The following MSL2 variants were observed in gnomAD, a reference collection of about 807,000 sequenced individuals.
MSL2 encodes the protein E3 ubiquitin-protein ligase MSL2.
Under a neutral mutation model 35.8 loss-of-function variants are expected in MSL2, and 2 were observed. The ratio of observed to expected loss-of-function variants is 0.06; its 90% CI spans 0.02 to 0.18. The LOEUF (loss-of-function observed/expected upper bound fraction) is 0.18. Ranked by LOEUF, MSL2 falls within the 10% of genes least tolerant of loss-of-function variation. The probability of loss-of-function intolerance (pLI) is 1.00; values close to 1 mark genes in which losing one functional copy is unlikely to be tolerated. For missense variants in MSL2, 523 were observed against 706.7 expected, an observed-to-expected ratio of 0.74 and a Z score of 2.95; for synonymous variants, 296 against 255.7, an observed-to-expected ratio of 1.16 and a Z score of -1.50.
chr3:136,172,201 A>G (rs1171368842), intron 1 of MSL2, among the ~76,000 whole-genome samples: 3 of 152,130 alleles, frequency 2.0e-5, no homozygotes, highest in African/African-American at 7.2e-5. Flanking sequence ...ATGCTTCCAA[A>G]TTTACCAGAA....
chr3:136,169,216 T>TTGC (rs1209741778), intron 1 of MSL2, among the ~76,000 whole-genome samples: 1 of 97,754 alleles, frequency 1.0e-5, no homozygotes. Flanking sequence ...CTTGTTTTTG[T>TTGC]TGTTGTTGTT....
Position 136,177,950 on chromosome 3 carries a change from T to A in MSL2, c.142+17022A>T, listed in dbSNP as rs183998561. Among the ~76,000 whole-genome samples, 200 of 152,340 alleles carry A rather than the reference T, an allele frequency of 1.3e-3. 1 individual carries two copies. The highest frequency in any genetic ancestry group is 4.4e-3 in the African/African-American group (181 of 41,590). On this transcript the variant is annotated intron_variant, in intron 1 of 1. Coordinates refer to ENST00000309993, the MANE Select transcript of MSL2 (RefSeq NM_018133.4). Reference sequence around the variant, plus strand: ...GAACAGTTAAACTTCGGAGTTTTTTTAATTTTGTATTGAATCATCTTTGGG... The same window carrying A: ...GAACAGTTAAACTTCGGAGTTTTTTAAATTTTGTATTGAATCATCTTTGGG...
intron 1 of MSL2, among the ~76,000 whole-genome samples, chr3:136,188,525 G>T (rs991028888): frequency 3.3e-5 from 5 of 151,754 alleles, no homozygotes; most frequent in African/African-American, 1.2e-4. Flanking sequence ...CAAAGTGGAA[G>T]GACTGCCTCA....
chr3:136,188,025 C>T (rs996919010), intron 1 of MSL2, among the ~76,000 whole-genome samples: 17 of 152,124 alleles, frequency 1.1e-4, no homozygotes, highest in Non-Finnish European at 2.2e-4. Context: ...ACACAAAAGG[C>T]CCCTGAATAA....
At chr3:136,189,172 C>A (rs375157176) in intron 1 of MSL2, among the ~76,000 whole-genome samples, 1 of 138,430 alleles carries the variant, frequency 7.2e-6, no homozygotes, top group South Asian at 2.4e-4. Flanking sequence ...TGGTACCGCA[C>A]GCCTACAGTC....
At chr3:136,164,628 A>T (rs543952528) in intron 1 of MSL2, among the ~76,000 whole-genome samples, 59 of 152,298 alleles carry the variant, frequency 3.9e-4, no homozygotes, top group Admixed American at 3.7e-3. Flanking sequence ...TATGTCTCTA[A>T]GAAACCCCCC....
chr3:136,178,736 T>C (rs1287812465), intron 1 of MSL2, among the ~76,000 whole-genome samples: 2 of 81,248 alleles, frequency 2.5e-5, no homozygotes, highest in African/African-American at 5.1e-5. Flanking sequence ...GGTTTCACCA[T>C]GTTGGCCAGG....
At chr3:136,154,891 T>TA (rs1276022824) in intron 1 of MSL2, among the ~76,000 whole-genome samples, 3 of 151,894 alleles carry the variant, frequency 2.0e-5, no homozygotes, top group Admixed American at 6.6e-5. Context: ...ACCCTGTCTC[T>TA]AAAAAAAATT....
At chr3:136,170,622 C>T (rs1166852204) in intron 1 of MSL2, among the ~76,000 whole-genome samples, 1 of 148,586 alleles carries the variant, frequency 6.7e-6, no homozygotes, top group East Asian at 2.1e-4. Context: ...GATTCTCCTG[C>T]CTCAGCCTCC....
intron 1 of MSL2, among the ~76,000 whole-genome samples, chr3:136,186,073 G>C (rs751583251): frequency 6.6e-6 from 1 of 152,070 alleles, no homozygotes; most frequent in Non-Finnish European, 1.5e-5. Context: ...TCTTTAACTA[G>C]GCTATCCTTA....
intron 1 of MSL2, among the ~76,000 whole-genome samples, chr3:136,153,432 A>T (rs985621257): frequency 7.9e-5 from 12 of 152,232 alleles, no homozygotes; most frequent in South Asian, 2.1e-4. Flanking sequence ...AGAAAAAAAA[A>T]TTTTTTCAAC....
intron 1 of MSL2, among the ~76,000 whole-genome samples, chr3:136,164,513 G>A (rs1029119815): frequency 6.6e-6 from 1 of 152,154 alleles, no homozygotes; most frequent in South Asian, 2.1e-4. Flanking sequence ...TTCCCCAAGG[G>A]TTCTCTATAC....
At chr3:136,188,418 G>A (rs924691994) in intron 1 of MSL2, among the ~76,000 whole-genome samples, 7 of 145,700 alleles carry the variant, frequency 4.8e-5, no homozygotes, top group African/African-American at 1.0e-4. Context: ...TGACAACAGA[G>A]CAAGACTCCA....
At chr3:136,155,324 G>A (rs1939488274) in intron 1 of MSL2, among the ~76,000 whole-genome samples, 1 of 151,960 alleles carries the variant, frequency 6.6e-6, no homozygotes, top group South Asian at 2.1e-4. Flanking sequence ...GACCAACATG[G>A]TGAAACCCTG....
At chr3:136,181,007 A>T (rs1940341794) in intron 1 of MSL2, among the ~76,000 whole-genome samples, 1 of 150,464 alleles carries the variant, frequency 6.6e-6, no homozygotes, top group Admixed American at 6.6e-5. Flanking sequence ...AAAAAAAAAA[A>T]TCAGGCATGG....
At chr3:136,192,767 T>G (rs1414046874) in intron 1 of MSL2, among the ~76,000 whole-genome samples, 2 of 152,172 alleles carry the variant, frequency 1.3e-5, no homozygotes, top group African/African-American at 4.8e-5. Flanking sequence ...TAAACTTCAT[T>G]TTTACAAATG....
chr3:136,181,977 TGAA>T (rs1273899031), intron 1 of MSL2, among the ~76,000 whole-genome samples: 3 of 151,418 alleles, frequency 2.0e-5, no homozygotes, highest in African/African-American at 7.3e-5. Flanking sequence ...TTACGTGGGC[TGAA>T]GAAAAAAAAA....
In MSL2 at chr3:136,195,135, G is replaced by A; in HGVS notation, c.-22C>T. 6.4e-7 allele frequency: 1 copy of A among 1,572,350 alleles called. No individual in the cohort carries two copies. The highest frequency in any genetic ancestry group is 8.6e-7 in the Non-Finnish European group (1 of 1,161,106). On this transcript the variant is annotated 5_prime_UTR_variant, in exon 1 of 2. Transcript: ENST00000309993. ...TCATTGCAGACACTTCGACACCAATGGCTCCCGGTTGAAAAGAAATTCCGG... is the reference window on the plus strand; with the variant it reads ...TCATTGCAGACACTTCGACACCAATAGCTCCCGGTTGAAAAGAAATTCCGG...
intron 1 of MSL2, among the ~76,000 whole-genome samples, chr3:136,180,484 G>A (rs1000253338): frequency 6.6e-6 from 1 of 151,718 alleles, no homozygotes; most frequent in African/African-American, 2.4e-5. Context: ...GGCAGATCAC[G>A]AGATCAGGAG....
Sources: allele counts gnomAD v4.1 joint callset (sites outside exome capture counted in the v4.1 genomes callset), GRCh38; gene constraint gnomAD v4.1.1; transcripts MANE v1.5; gene names NCBI Gene and HGNC (gene_info 2026-07-23, HGNC 2026-07-21).